Variants in PEX14 observed in about 807,000 individuals in gnomAD.
PEX14 encodes the protein peroxisomal biogenesis factor 14, also known as peroxisomal membrane protein PEX14.
In PEX14, 15 loss-of-function variants were observed where a neutral mutation model predicts 49.5. The observed-to-expected ratio is 0.30, with a 90% confidence interval of 0.20 to 0.47. The LOEUF (loss-of-function observed/expected upper bound fraction) is 0.47, where lower values mean the gene tolerates loss of function less well. Ranked by LOEUF, PEX14 falls within the 20% of genes least tolerant of loss-of-function variation. PEX14 has a pLI of 1.00. For synonymous variants in PEX14, 210 were observed against 212.7 expected, an observed-to-expected ratio of 0.99 and a Z score of 0.11; for missense variants, 398 against 494.8, an observed-to-expected ratio of 0.80 and a Z score of 1.86.
At chr1:10,493,530 G>A (rs1641506237) in intron 1 of PEX14, among the ~76,000 whole-genome samples, 1 of 152,070 alleles carries the variant, frequency 6.6e-6, no homozygotes, top group Admixed American at 6.6e-5. Flanking sequence ...CAGGCTCAAG[G>A]GATCCTTCTG....
intron 2 of PEX14, among the ~76,000 whole-genome samples, chr1:10,518,336 C>T (rs565616009): frequency 6.6e-6 from 1 of 152,264 alleles, no homozygotes; most frequent in African/African-American, 2.4e-5. Flanking sequence ...CACAGACCTG[C>T]AAGACTGAAC....
At chr1:10,570,102 T>A (rs1639928076) in intron 3 of PEX14, among the ~76,000 whole-genome samples, 1 of 152,130 alleles carries the variant, frequency 6.6e-6, no homozygotes, top group Admixed American at 6.5e-5. Context: ...CCCTACTTTA[T>A]ATGTAATTTC....
In PEX14 at chr1:10,535,268, A is replaced by T. The variant is rs568192801; in HGVS notation, c.85-945A>T. On this transcript the variant is annotated intron_variant, in intron 2 of 8. Transcript: ENST00000356607. The stretch of plus-strand genomic sequence containing the variant: ...GTAGACAAGCCAGGCGTAAACACAC[A>T]CTTCGCGTGTGCTGAGTGATGTGAA... Among the ~76,000 whole-genome samples, 4 of 152,278 alleles carry T rather than the reference A, an allele frequency of 2.6e-5. No homozygotes were observed. The South Asian group carries it at 8.3e-4, about 32-fold the overall frequency.
At chr1:10,537,400 C>T (rs890945120) in intron 3 of PEX14, among the ~76,000 whole-genome samples, 5 of 127,412 alleles carry the variant, frequency 3.9e-5, no homozygotes, top group East Asian at 2.8e-4. Context: ...TGGCTGGCCT[C>T]GCCACTCCGC....
intron 5 of PEX14, among the ~76,000 whole-genome samples, chr1:10,622,230 C>T (rs1641616721): frequency 6.6e-6 from 1 of 152,338 alleles, no homozygotes. Flanking sequence ...TTCTAGGCCC[C>T]TGTGAGGGGT....
intron 2 of PEX14, among the ~76,000 whole-genome samples, chr1:10,525,751 G>A (rs1174210897): frequency 6.6e-6 from 1 of 151,050 alleles, no homozygotes; most frequent in Non-Finnish European, 1.5e-5. Flanking sequence ...TCAGCTTCCC[G>A]AGTAGCTGGG....
At chr1:10,548,087 C>T (rs1486914382) in intron 3 of PEX14, among the ~76,000 whole-genome samples, 8 of 152,114 alleles carry the variant, frequency 5.3e-5, no homozygotes, top group Admixed American at 5.2e-4. Context: ...CGTGGTGGCG[C>T]ATGCCTGTCA....
rs35743829 is a variant in PEX14, at chr1:10,586,628, CTTTTTTTT to C, written c.170-12588_170-12581del. ...ATGTTGAACAAAAGGAGCCGTTTACCTTTTTTTTTTTTTTTTTTTTTTTTTTTTTGAGA... is the reference window on the plus strand; with the variant it reads ...ATGTTGAACAAAAGGAGCCGTTTACCTTTTTTTTTTTTTTTTTTTTTGAGA... On this transcript the variant is annotated intron_variant, in intron 3 of 8. Coordinates refer to ENST00000356607, the MANE Select transcript of PEX14 (RefSeq NM_004565.3). Among the ~76,000 whole-genome samples, 189 of 93,030 alleles carry C rather than the reference CTTTTTTTT, an allele frequency of 2.0e-3. 1 individual carries two copies. Among genetic ancestry groups the C allele is most frequent in the African/African-American group, 4.4e-3 (125 of 28,244 alleles). The allele number at this position is 93,030 out of a possible 152,430, so 61.0% of individuals were successfully genotyped here.
In PEX14 at chr1:10,630,158, C is replaced by T. The variant is rs988794145; in HGVS notation, c.*171C>T. ...GCAGTGTGGGGAGTCACACTTCTGT[C>T]CACCTGGCCTCCTCTCGCCTGGCCG... On this transcript the variant is annotated 3_prime_UTR_variant, in exon 9 of 9. Coordinates refer to ENST00000356607, the MANE Select transcript of PEX14 (RefSeq NM_004565.3). The surrounding 1 kb of genome is among the most constrained non-coding windows in gnomAD (Gnocchi z 4.1). 153 of 1,058,400 alleles carry T rather than the reference C, an allele frequency of 1.4e-4. 1 individual carries two copies. Among genetic ancestry groups the T allele is most frequent in the Non-Finnish European group, 2.0e-4 (150 of 748,666 alleles). The allele number at this position is 1,058,400 out of a possible 1,614,324, so 65.6% of individuals were successfully genotyped here.
intron 3 of PEX14, among the ~76,000 whole-genome samples, chr1:10,555,115 G>C (rs1639448005): frequency 6.6e-6 from 1 of 151,958 alleles, no homozygotes; most frequent in Non-Finnish European, 1.5e-5. Flanking sequence ...ACCACCTGCA[G>C]GACTGACCCT....
intron 1 of PEX14, among the ~76,000 whole-genome samples, chr1:10,479,763 A>G (rs1358515934): frequency 6.6e-6 from 1 of 152,214 alleles, no homozygotes; most frequent in Non-Finnish European, 1.5e-5. Flanking sequence ...GTGGAACTTC[A>G]TCACTCACAA....
intron 4 of PEX14, among the ~76,000 whole-genome samples, chr1:10,611,163 T>A (rs1048346440): frequency 3.9e-5 from 6 of 152,024 alleles, no homozygotes; most frequent in Non-Finnish European, 7.4e-5. Context: ...CTTGGGAGGC[T>A]GAGGCAGGAG....
rs2124481885 is a variant in PEX14, at chr1:10,536,097, T to G, written c.85-116T>G. Reference sequence around the variant, plus strand: ...GTTTAAGAAATAACTGGTTATAAATTTGACCACAATAGTATGCTTGTCTCT... The same window carrying G: ...GTTTAAGAAATAACTGGTTATAAATGTGACCACAATAGTATGCTTGTCTCT... On this transcript the variant is annotated intron_variant, in intron 2 of 8. Transcript: ENST00000356607. 19 of 749,652 alleles carry G rather than the reference T, an allele frequency of 2.5e-5. No individual in the cohort carries two copies. The South Asian group carries it at 2.6e-4, about 10-fold the overall frequency. 46.4% of individuals were successfully genotyped at this position (749,652 alleles called of 1,614,324 possible).
chr1:10,531,758 A>G (rs1393979526), intron 2 of PEX14, among the ~76,000 whole-genome samples: 1 of 152,174 alleles, frequency 6.6e-6, no homozygotes, highest in African/African-American at 2.4e-5. Flanking sequence ...AATTGGTGGC[A>G]TTCCAAATAA....
At chr1:10,569,336 C>A (rs541176088) in intron 3 of PEX14, among the ~76,000 whole-genome samples, 10 of 152,114 alleles carry the variant, frequency 6.6e-5, no homozygotes, top group African/African-American at 2.4e-4. Context: ...GTGTACTTAT[C>A]ACTGATTAAT....
At chr1:10,496,797 C>T (rs890936500) in intron 2 of PEX14, among the ~76,000 whole-genome samples, 4 of 151,768 alleles carry the variant, frequency 2.6e-5, no homozygotes, top group Non-Finnish European at 5.9e-5. Flanking sequence ...TTCTGGGAGG[C>T]CCTGAGCAGT....
rs891476127 is a variant in PEX14, at chr1:10,628,274, C to T, written c.677+911C>T. 6.6e-6 allele frequency among the ~76,000 whole-genome samples: 1 copy of T among 152,236 alleles called. No homozygotes were observed. Among genetic ancestry groups the T allele is most frequent in the African/African-American group, 2.4e-5 (1 of 41,450 alleles). ...AACTGAAAGTCCAGTGTCCAGGAGC[C>T]ACTCTGTCCTGGGAGCCGCAACTGT... On this transcript the variant is annotated intron_variant, in intron 8 of 8. Coordinates refer to ENST00000356607, the MANE Select transcript of PEX14 (RefSeq NM_004565.3). This position sits in a 1 kb window ranked among gnomAD's most constrained non-coding sequence, Gnocchi z 4.5.
At position 10,546,922 on chromosome 1, in the gene PEX14, A is replaced by T. The variant is rs115323686; in HGVS notation, c.169+10625A>T. ...ACAACAGCAAAAAAACCAGATGGTT[A>T]GGCACTTACTCACTTAGTGAAAAGG... On this transcript the variant is annotated intron_variant, in intron 3 of 8. Transcript: ENST00000356607. Among the ~76,000 whole-genome samples the T allele has an allele frequency of 2.3e-3, 348 of 152,280 alleles. 2 individuals carry two copies. The highest frequency in any genetic ancestry group is 3.8e-3 in the Non-Finnish European group (258 of 68,020).
At chr1:10,517,808 C>T (rs900168349) in intron 2 of PEX14, among the ~76,000 whole-genome samples, 10 of 151,562 alleles carry the variant, frequency 6.6e-5, no homozygotes, top group South Asian at 2.1e-4. Flanking sequence ...TTTGAGGAAA[C>T]GGCACATCTT....
Sources: gnomAD v4.1 joint callset for allele counts (sites outside exome capture counted in the v4.1 genomes callset) on GRCh38, gnomAD v4.1.1 for gene constraint, Gnocchi (gnomAD v3.1) non-coding constraint, MANE v1.5 for transcripts, NCBI Gene and HGNC (gene_info 2026-07-23, HGNC 2026-07-21) for gene names.